RIMS4: variants seen among roughly 807,000 people sequenced by gnomAD.
RIMS4 encodes regulating synaptic membrane exocytosis protein 4.
A neutral mutation model predicts 29.0 loss-of-function variants in RIMS4; 9 were observed. The ratio of observed to expected loss-of-function variants is 0.31; its 90% CI spans 0.19 to 0.54. The LOEUF (loss-of-function observed/expected upper bound fraction) is 0.54, where lower values mean the gene tolerates loss of function less well. RIMS4 is among the 20% of genes least tolerant of loss of function. The pLI, the probability that RIMS4 is intolerant of heterozygous loss-of-function variation, is 0.94. For missense variants in RIMS4, 193 were observed against 365.7 expected (o/e 0.53, Z 3.85); for synonymous variants, 130 against 152.9 (o/e 0.85, Z 1.10).
intron 2 of RIMS4, among the ~76,000 whole-genome samples, chr20:44,764,203 C>CACTT (rs142317111): frequency 1.2e-3 from 24 of 20,182 alleles, no homozygotes; most frequent in South Asian, 2.3e-3. Flanking sequence ...TCCATCCATC[C>CACTT]ATCCATCCAC....
intron 2 of RIMS4, among the ~76,000 whole-genome samples, chr20:44,760,001 A>G (rs1349873514): frequency 6.6e-6 from 1 of 152,206 alleles, no homozygotes. Context: ...TCAGAGAAGG[A>G]ATGACCCAGC....
At chr20:44,775,220 T>C (rs13039572) in intron 1 of RIMS4, among the ~76,000 whole-genome samples, 2,352 of 152,194 alleles carry the variant, frequency 0.015, 25 homozygotes, top group Non-Finnish European at 0.027. Context: ...TTGTCGTCCA[T>C]CAGGACCCAG....
intron 2 of RIMS4, among the ~76,000 whole-genome samples, chr20:44,761,030 C>T (rs990057757): frequency 2.6e-5 from 4 of 152,088 alleles, no homozygotes. Context: ...GAAATTTACA[C>T]AGATTCTCTC....
intron 1 of RIMS4, among the ~76,000 whole-genome samples, chr20:44,783,493 G>T (rs926780207): frequency 6.6e-6 from 1 of 152,076 alleles, no homozygotes; most frequent in Admixed American, 6.5e-5. Context: ...CTGTGGTGGT[G>T]TGTGTCTGTA....
chr20:44,776,223 G>T (rs1424080468), intron 1 of RIMS4, among the ~76,000 whole-genome samples: 2 of 152,072 alleles, frequency 1.3e-5, no homozygotes, highest in African/African-American at 4.8e-5. Flanking sequence ...GTTGAGGCTG[G>T]TTGCACTCCA....
At chr20:44,781,707 C>T (rs140921143) in intron 1 of RIMS4, among the ~76,000 whole-genome samples, 1 of 152,262 alleles carries the variant, frequency 6.6e-6, no homozygotes, top group East Asian at 1.9e-4. Context: ...GAGGCATTTC[C>T]ACAATCATTG....
chr20:44,794,864 C>T (rs1350433951), intron 1 of RIMS4, among the ~76,000 whole-genome samples: 1 of 152,232 alleles, frequency 6.6e-6, no homozygotes, highest in Admixed American at 6.5e-5. Flanking sequence ...AGGGAGCCAT[C>T]TCTGGGTCTC....
intron 1 of RIMS4, among the ~76,000 whole-genome samples, chr20:44,805,230 C>T (rs1027027375): frequency 2.0e-5 from 3 of 151,956 alleles, no homozygotes; most frequent in Non-Finnish European, 2.9e-5. Context: ...CACTTGAGCC[C>T]GGGAGGTAGA....
At chr20:44,757,793 G>C in intron 3 of RIMS4, 22 bp from the exon 4 acceptor site, 1 of 1,592,756 alleles carries the variant, frequency 6.3e-7, no homozygotes, top group Non-Finnish European at 8.6e-7. Context: ...ACCAAGAGAT[G>C]AGACTGGGAA....
chr20:44,795,791 C>G (rs914848393), intron 1 of RIMS4, among the ~76,000 whole-genome samples: 11 of 152,174 alleles, frequency 7.2e-5, no homozygotes, highest in African/African-American at 2.4e-4. Context: ...AGAAGCACCA[C>G]CAAGTGAAAA....
chr20:44,757,935 G>A (rs2066067708), intron 3 of RIMS4, 137 bp downstream of exon 3: 2 of 927,628 alleles, frequency 2.2e-6, no homozygotes, highest in South Asian at 1.5e-5. Flanking sequence ...CTGAGGGCTT[G>A]AGAGTGTGCC....
intron 1 of RIMS4, among the ~76,000 whole-genome samples, chr20:44,789,436 G>A (rs2066223156): frequency 6.6e-6 from 1 of 151,948 alleles, no homozygotes; most frequent in African/African-American, 2.4e-5. Context: ...AGCTGGGACG[G>A]CAGGCACCCG....
In RIMS4 at chr20:44,810,504, CGGCGGCGGCGGT is replaced by C. The variant is rs972584206; in HGVS notation, c.-245_-234del. 6.2e-3 allele frequency among the ~76,000 whole-genome samples: 898 copies of C among 144,022 alleles called. 7 individuals are homozygous for C. The highest frequency in any genetic ancestry group is 0.014 in the African/African-American group (556 of 40,088). 94.5% of individuals were successfully genotyped at this position (144,022 alleles called of 152,430 possible). ...CGCGCTGTGCTGCTGGCGGCGGCGGCGGCGGCGGCGGTGGCGGCGGCGGTGGCGGCGCAGCGC... is the reference window on the plus strand; with the variant it reads ...CGCGCTGTGCTGCTGGCGGCGGCGGCGGCGGCGGCGGTGGCGGCGCAGCGC... On this transcript the variant is annotated 5_prime_UTR_variant, in exon 1 of 6. Transcript: ENST00000372851.
At chr20:44,806,136 T>C (rs755173706) in intron 1 of RIMS4, among the ~76,000 whole-genome samples, 1 of 151,990 alleles carries the variant, frequency 6.6e-6, no homozygotes, top group African/African-American at 2.4e-5. Context: ...CTCCCTGCGC[T>C]GGATCGAAGC....
intron 1 of RIMS4, among the ~76,000 whole-genome samples, chr20:44,806,039 T>C (rs1242543923): frequency 6.6e-6 from 1 of 152,200 alleles, no homozygotes; most frequent in Non-Finnish European, 1.5e-5. Context: ...AAGAGGGTGG[T>C]GCCAGGAAGG....
At position 44,774,892 on chromosome 20, in the gene RIMS4, T is replaced by C. The variant is rs191444419; in HGVS notation, c.98-3479A>G. 3.7e-3 allele frequency among the ~76,000 whole-genome samples: 557 copies of C among 152,154 alleles called. 2 individuals are homozygous for C. Among genetic ancestry groups the C allele is most frequent in the Non-Finnish European group, 5.2e-3 (351 of 68,008 alleles). The stretch of plus-strand genomic sequence containing the variant: ...TCGGGCCCTTTCTAGTTCTCCCACC[T>C]CTTTCACCAACTAACTTCCTCGGAG... On this transcript the variant is annotated intron_variant, in intron 1 of 5. Coordinates refer to ENST00000372851, the MANE Select transcript of RIMS4 (RefSeq NM_182970.4).
At chr20:44,805,883 C>G (rs147793862) in intron 1 of RIMS4, among the ~76,000 whole-genome samples, 96 of 152,156 alleles carry the variant, frequency 6.3e-4, no homozygotes, top group Admixed American at 5.8e-3. Flanking sequence ...ATATGGGTAT[C>G]GCCGCCTCAT....
intron 1 of RIMS4, among the ~76,000 whole-genome samples, chr20:44,806,040 G>T (rs1378012885): frequency 6.6e-6 from 1 of 152,242 alleles, no homozygotes; most frequent in Non-Finnish European, 1.5e-5. Context: ...AGAGGGTGGT[G>T]CCAGGAAGGG....
At chr20:44,804,784 A>T (rs1316649084) in intron 1 of RIMS4, among the ~76,000 whole-genome samples, 2 of 152,060 alleles carry the variant, frequency 1.3e-5, no homozygotes, top group Non-Finnish European at 2.9e-5. Flanking sequence ...ACCAAACAGA[A>T]CTAGGTGGGC....
Sources: gnomAD v4.1 joint callset for allele counts (sites outside exome capture counted in the v4.1 genomes callset) on GRCh38, gnomAD v4.1.1 for gene constraint, MANE v1.5 for transcripts, NCBI Gene and HGNC (gene_info 2026-07-23, HGNC 2026-07-21) for gene names.